C12orf56: variants seen among roughly 807,000 people sequenced by gnomAD.
C12orf56 encodes uncharacterized protein C12orf56.
A neutral mutation model predicts 69.9 loss-of-function variants in C12orf56; 71 were observed. That is an observed-to-expected ratio of 1.02 (90% CI 0.84 to 1.24). The LOEUF (loss-of-function observed/expected upper bound fraction) is 1.24. Among genes scored for constraint, C12orf56 ranks in the 50% most tolerant of loss-of-function variants. The probability of loss-of-function intolerance (pLI) is 0.00; values close to 1 mark genes in which losing one functional copy is unlikely to be tolerated. For synonymous variants in C12orf56, 276 were observed against 274.1 expected (o/e 1.01, Z -0.07); for missense variants, 732 against 738.5 (o/e 0.99, Z 0.10).
At position 64,329,465 on chromosome 12, in the gene C12orf56, A is replaced by G. The variant is rs1565759042; in HGVS notation, c.488+1495T>C. Among the ~76,000 whole-genome samples, 4 of 151,460 alleles carry G rather than the reference A, an allele frequency of 2.6e-5. No individual in the cohort carries two copies. The South Asian group carries it at 8.4e-4, about 32-fold the overall frequency. On this transcript the variant is annotated intron_variant, in intron 3 of 12. Coordinates refer to ENST00000543942, the MANE Select transcript of C12orf56 (RefSeq NM_001170633.2). ...CCTACTTCAATCCATTTTAAGCACA[A>G]TCGTCGGATTATTTTTCTGTAGTAA...
chr12:64,267,090 A>G lies in C12orf56; in HGVS notation c.*93T>C. The stretch of plus-strand genomic sequence containing the variant: ...TTATAGGACTCAGAGATAGCCAGAT[A>G]TTAAACAAATAAAAAAATGTTTCTC... On this transcript the variant is annotated 3_prime_UTR_variant, in exon 13 of 13. Transcript: ENST00000543942. 1 of 913,600 alleles carries G rather than the reference A, an allele frequency of 1.1e-6. No individual in the cohort carries two copies. The allele number at this position is 913,600 out of a possible 1,614,324, so 56.6% of individuals were successfully genotyped here. A position where few individuals can be genotyped will look rare whatever the true frequency, so the allele number is the denominator to read the frequency against.
intron 1 of C12orf56, among the ~76,000 whole-genome samples, chr12:64,357,231 C>T (rs956222913): frequency 1.8e-4 from 28 of 152,036 alleles, no homozygotes; most frequent in African/African-American, 6.5e-4. Flanking sequence ...TTCAGTGTTC[C>T]TTAGCTTAAA....
chr12:64,279,536 G>T (rs541471736), intron 8 of C12orf56, among the ~76,000 whole-genome samples: 1 of 152,104 alleles, frequency 6.6e-6, no homozygotes, highest in South Asian at 2.1e-4. Context: ...TTTCATAATG[G>T]AAAAAAGGAG....
intron 2 of C12orf56, among the ~76,000 whole-genome samples, chr12:64,344,308 C>T (rs1277419501): frequency 1.3e-5 from 2 of 152,186 alleles, no homozygotes; most frequent in African/African-American, 4.8e-5. Flanking sequence ...TGGCTCAAAT[C>T]TGGAAACTGA....
At chr12:64,285,811 A>AAT (rs2038192995) in intron 7 of C12orf56, 143 bp downstream of exon 7, 1 of 433,882 alleles carries the variant, frequency 2.3e-6, no homozygotes, top group Non-Finnish European at 4.0e-6. Context: ...TAAATAAATA[A>AAT]AAATAAAAAT....
At chr12:64,343,258 C>T (rs1022444795) in intron 2 of C12orf56, among the ~76,000 whole-genome samples, 2 of 152,156 alleles carry the variant, frequency 1.3e-5, no homozygotes, top group Non-Finnish European at 2.9e-5. Context: ...TTCCTATCCT[C>T]TAGCACACAA....
chr12:64,388,715 G>A (rs2039826658), intron 1 of C12orf56, among the ~76,000 whole-genome samples: 1 of 152,200 alleles, frequency 6.6e-6, no homozygotes, highest in African/African-American at 2.4e-5. Context: ...TAATTAGCCA[G>A]CTGTGATGGC....
chr12:64,326,563 C>G lies in C12orf56; in HGVS notation c.488+4397G>C, dbSNP rs529331038. The stretch of plus-strand genomic sequence containing the variant: ...CAGCCTGACAAACATGGTGAAACCC[C>G]GTCCCTACTAAAAATACAAAAAAAT... On this transcript the variant is annotated intron_variant, in intron 3 of 12. Transcript: ENST00000543942. 5.9e-5 allele frequency among the ~76,000 whole-genome samples: 9 copies of G among 152,090 alleles called. 1 individual carries two copies. The South Asian group carries it at 1.7e-3, about 28-fold the overall frequency.
At chr12:64,329,432 G>A (rs2038896731) in intron 3 of C12orf56, among the ~76,000 whole-genome samples, 1 of 151,204 alleles carries the variant, frequency 6.6e-6, no homozygotes, top group Non-Finnish European at 1.5e-5. Flanking sequence ...ACCAATCTCA[G>A]GTCTTTCCCT....
At chr12:64,306,805 T>A (rs1272513470) in intron 5 of C12orf56, among the ~76,000 whole-genome samples, 2 of 152,202 alleles carry the variant, frequency 1.3e-5, no homozygotes, top group South Asian at 2.1e-4. Flanking sequence ...AAAAGCACTG[T>A]GTATGATTTT....
chr12:64,283,908 A>T (rs1049587395), intron 8 of C12orf56, among the ~76,000 whole-genome samples: 9 of 133,164 alleles, frequency 6.8e-5, no homozygotes, highest in Non-Finnish European at 7.8e-5. Flanking sequence ...TAGAGTATCT[A>T]TTTTTTTTTT....
chr12:64,321,183 C>G (rs902751163), intron 3 of C12orf56, among the ~76,000 whole-genome samples: 7 of 152,200 alleles, frequency 4.6e-5, no homozygotes, highest in African/African-American at 1.7e-4. Context: ...GTTTGCAAAA[C>G]TGGAAACAAT....
chr12:64,353,100 G>T (rs754560866), intron 1 of C12orf56, 44 bp from the exon 2 acceptor site: 1 of 1,566,620 alleles, frequency 6.4e-7, no homozygotes, highest in Non-Finnish European at 8.7e-7. Context: ...AAATACAACT[G>T]CTTACCTATT....
At chr12:64,310,389 G>A (rs1425627123) in intron 5 of C12orf56, among the ~76,000 whole-genome samples, 1 of 152,118 alleles carries the variant, frequency 6.6e-6, no homozygotes, top group African/African-American at 2.4e-5. Context: ...TACATAAATT[G>A]TAATTTTCTA....
intron 11 of C12orf56, among the ~76,000 whole-genome samples, chr12:64,271,899 C>G (rs188620906): frequency 1.6e-3 from 244 of 152,284 alleles, no homozygotes; most frequent in African/African-American, 5.5e-3. Flanking sequence ...TCTTTGCTTG[C>G]AAATGTCTCT....
chr12:64,297,301 TGGGTTTGATAGC>T (rs1441569754), intron 6 of C12orf56, among the ~76,000 whole-genome samples: 1 of 152,190 alleles, frequency 6.6e-6, no homozygotes, highest in Non-Finnish European at 1.5e-5. Flanking sequence ...ATAAGGCTAC[TGGGTTTGATAGC>T]ATGGTTGGGG....
intron 7 of C12orf56, 84 bp from the exon 8 acceptor site, chr12:64,284,837 A>T (rs2038178773): frequency 1.0e-6 from 1 of 1,002,248 alleles, no homozygotes. Context: ...ATTTTTGCTA[A>T]AACTGCTTCC....
chr12:64,330,904 A>G lies in C12orf56; in HGVS notation c.488+56T>C. The G allele has an allele frequency of 2.2e-6, 3 of 1,379,844 alleles. No individual in the cohort carries two copies. In the South Asian group the frequency reaches 4.1e-5, roughly 19 times the overall value. 85.5% of individuals were successfully genotyped at this position (1,379,844 alleles called of 1,614,324 possible). ...AAAAAAATTAAGAAAAACAAGTTAC[A>G]ATGTAAAAATGTTTTGGTTAGCAAG... On this transcript the variant is annotated intron_variant, in intron 3 of 12. Transcript: ENST00000543942.
At chr12:64,338,875 C>A (rs2039033878) in intron 2 of C12orf56, 1 of 651,472 alleles carries the variant, frequency 1.5e-6, no homozygotes, top group Non-Finnish European at 2.8e-6. Context: ...GCAGAGGAAA[C>A]CCCTGTGCAG....
Sources: allele counts gnomAD v4.1 joint callset (sites outside exome capture counted in the v4.1 genomes callset), GRCh38; gene constraint gnomAD v4.1.1; transcripts MANE v1.5; gene names NCBI Gene and HGNC (gene_info 2026-07-23, HGNC 2026-07-21).